DLC1: variants seen among roughly 807,000 people sequenced by gnomAD.
DLC1 encodes the protein DLC1 Rho GTPase activating protein.
Under a neutral mutation model 140.3 loss-of-function variants are expected in DLC1, and 54 were observed. The observed-to-expected ratio is 0.38, with a 90% confidence interval of 0.31 to 0.48. The LOEUF is 0.48. Among genes scored for constraint, DLC1 ranks in the 20% least tolerant of loss-of-function variants. DLC1 has a pLI of 0.96. For missense variants in DLC1, 2,536 were observed against 1,907.0 expected, an observed-to-expected ratio of 1.33 and a Z score of -6.14; for synonymous variants, 986 against 728.1, an observed-to-expected ratio of 1.35 and a Z score of -5.70.
chr8:13,534,715 A>G (rs189404189), intron 1 of DLC1, among the ~76,000 whole-genome samples: 58 of 152,284 alleles, frequency 3.8e-4, no homozygotes, highest in African/African-American at 1.2e-3. Flanking sequence ...GCTGCTGTCA[A>G]TTCTGAAGCC....
chr8:13,457,907 G>A (rs1016478755), intron 2 of DLC1, among the ~76,000 whole-genome samples: 3 of 151,994 alleles, frequency 2.0e-5, no homozygotes. Context: ...GCTGAAAAGA[G>A]AAGTTATTTA....
At chr8:13,397,241 G>T (rs1164071688) in intron 3 of DLC1, among the ~76,000 whole-genome samples, 2 of 152,138 alleles carry the variant, frequency 1.3e-5, no homozygotes, top group African/African-American at 4.8e-5. Flanking sequence ...AAGCTGTGGT[G>T]ATTCCCAGGG....
At chr8:13,354,884 T>C (rs1563278679) in intron 4 of DLC1, among the ~76,000 whole-genome samples, 1 of 148,290 alleles carries the variant, frequency 6.7e-6, no homozygotes, top group Non-Finnish European at 1.5e-5. Flanking sequence ...GGGATACTGA[T>C]ATTGAGGCTG....
chr8:13,561,954 G>A (rs919181703), intron 1 of DLC1, among the ~76,000 whole-genome samples: 2 of 152,166 alleles, frequency 1.3e-5, no homozygotes, highest in Admixed American at 1.3e-4. Context: ...TAGATAATAT[G>A]ATTATATATT....
intron 2 of DLC1, among the ~76,000 whole-genome samples, chr8:13,418,788 TA>T (rs1377307534): frequency 1.3e-5 from 2 of 152,174 alleles, no homozygotes; most frequent in Non-Finnish European, 2.9e-5. Context: ...GCATGGAATC[TA>T]TAAATTACCT....
At chr8:13,195,887 C>G (rs923026600) in intron 5 of DLC1, among the ~76,000 whole-genome samples, 2 of 152,098 alleles carry the variant, frequency 1.3e-5, no homozygotes, top group African/African-American at 4.8e-5. Flanking sequence ...GAAATATAGA[C>G]TGTCACCTTT....
At chr8:13,139,793 A>G (rs1822840705) in intron 5 of DLC1, among the ~76,000 whole-genome samples, 1 of 152,272 alleles carries the variant, frequency 6.6e-6, no homozygotes, top group Non-Finnish European at 1.5e-5. Flanking sequence ...TGACTACACA[A>G]AAATCAAACA....
At chr8:13,486,801 T>C (rs1800989832) in intron 2 of DLC1, among the ~76,000 whole-genome samples, 1 of 152,196 alleles carries the variant, frequency 6.6e-6, no homozygotes, top group Admixed American at 6.5e-5. Context: ...GATCTTGTGA[T>C]TATCCTACAA....
intron 1 of DLC1, among the ~76,000 whole-genome samples, chr8:13,572,533 G>C (rs1015726671): frequency 2.0e-5 from 3 of 151,914 alleles, no homozygotes; most frequent in Admixed American, 2.0e-4. Flanking sequence ...TATGCTTTTG[G>C]TGTCATATGT....
At chr8:13,358,906 A>G (rs904308650) in intron 4 of DLC1, among the ~76,000 whole-genome samples, 2 of 152,180 alleles carry the variant, frequency 1.3e-5, no homozygotes, top group African/African-American at 4.8e-5. Context: ...TTTGAAAAGT[A>G]ATGCCTATTT....
chr8:13,416,004 T>G (rs1307489702), intron 2 of DLC1, among the ~76,000 whole-genome samples: 1 of 152,144 alleles, frequency 6.6e-6, no homozygotes, highest in Non-Finnish European at 1.5e-5. Flanking sequence ...AAAATAAGTT[T>G]CTTATTTGTG....
intron 5 of DLC1, among the ~76,000 whole-genome samples, chr8:13,260,005 A>G (rs977273398): frequency 3.9e-5 from 6 of 152,242 alleles, no homozygotes; most frequent in African/African-American, 1.4e-4. Context: ...GAAAAGCAGA[A>G]GGAATTTGGA....
At chr8:13,133,179 C>A in intron 5 of DLC1, 1 of 1,432,226 alleles carries the variant, frequency 7.0e-7, no homozygotes, top group South Asian at 1.5e-5. Flanking sequence ...AACGAGGGAG[C>A]GCTCAGGGAG....
intron 5 of DLC1, among the ~76,000 whole-genome samples, chr8:13,194,265 A>T (rs1418100103): frequency 6.6e-6 from 1 of 152,274 alleles, no homozygotes; most frequent in Non-Finnish European, 1.5e-5. Context: ...CAATCAGAAC[A>T]GCTTCCAAGG....
chr8:13,129,705 G>A (rs1429814057), intron 5 of DLC1, among the ~76,000 whole-genome samples: 2 of 152,192 alleles, frequency 1.3e-5, no homozygotes, highest in Non-Finnish European at 2.9e-5. Flanking sequence ...GAACAGGCTT[G>A]GCATGATGTG....
intron 1 of DLC1, among the ~76,000 whole-genome samples, chr8:13,526,384 A>T (rs1802921957): frequency 6.6e-6 from 1 of 152,146 alleles, no homozygotes; most frequent in African/African-American, 2.4e-5. Context: ...TATTATTTGG[A>T]TCAATTGCAG....
rs576958189 is a variant in DLC1, at chr8:13,086,557, C to A, written c.4293-94G>T. 2.5e-5 allele frequency: 36 copies of A among 1,453,664 alleles called. No homozygotes were observed. In the Middle Eastern group the frequency reaches 5.4e-4, roughly 22 times the overall value. 90.0% of individuals were successfully genotyped at this position (1,453,664 alleles called of 1,614,324 possible). The stretch of plus-strand genomic sequence containing the variant: ...CTCTTCACTATTTGCAGTGTGGTGA[C>A]GGGTCAGGCTCAGTGGCCATGCTGT... On this transcript the variant is annotated intron_variant, in intron 16 of 17. Transcript: ENST00000276297.
At chr8:13,304,961 A>G in intron 5 of DLC1, 1 of 1,037,348 alleles carries the variant, frequency 9.6e-7, no homozygotes, top group Admixed American at 5.4e-5. Flanking sequence ...CTAATTTCCA[A>G]ATTCATTCCC....
At position 13,145,419 on chromosome 8, in the gene DLC1, G is replaced by C. The variant is rs537444481; in HGVS notation, c.1349-29762C>G. On this transcript the variant is annotated intron_variant, in intron 5 of 17. Coordinates refer to ENST00000276297, the MANE Select transcript of DLC1 (RefSeq NM_182643.3). The stretch of plus-strand genomic sequence containing the variant: ...TGCTAAGTTCTCCATGAGAACTCGT[G>C]TATATTTCTCATAGAAAGGTGTGTT... Among the ~76,000 whole-genome samples, 479 of 152,236 alleles carry C rather than the reference G, an allele frequency of 3.1e-3. 5 individuals carry two copies. The highest frequency in any genetic ancestry group is 0.011 in the African/African-American group (460 of 41,564).
Sources: gnomAD v4.1 joint callset for allele counts (sites outside exome capture counted in the v4.1 genomes callset) on GRCh38, gnomAD v4.1.1 for gene constraint, MANE v1.5 for transcripts, NCBI Gene and HGNC (gene_info 2026-07-23, HGNC 2026-07-21) for gene names.